Variants in ZNF419 observed in about 807,000 individuals in gnomAD.
The protein encoded by ZNF419 is zinc finger protein 419A.
ZNF419 carries 8 observed loss-of-function variants against 14.9 expected under a neutral mutation model. The observed-to-expected ratio is 0.54, with a 90% confidence interval of 0.32 to 0.97. The LOEUF is 0.97. ZNF419 is among the 50% of genes least tolerant of loss of function. ZNF419 has a pLI of 0.04. For missense variants in ZNF419, 595 were observed against 607.2 expected (o/e 0.98, Z 0.21); for synonymous variants, 211 against 205.3 (o/e 1.03, Z -0.24).
At chr19:57,492,436 C>T (rs747521379) in intron 4 of ZNF419, 1 of 773,090 alleles carries the variant, frequency 1.3e-6, no homozygotes, top group Non-Finnish European at 2.4e-6. Flanking sequence ...TCAGCAGTGG[C>T]TTTCACTGAA....
At position 57,493,104 on chromosome 19, in the gene ZNF419, G is replaced by A; in HGVS notation, c.547G>A (p.Gly183Arg). Residue 183 changes from glycine (G) to arginine (R), a missense_variant, in exon 5 of 5, where the codon GGA becomes AGA. Gly to Arg is a moderately radical substitution (Grantham distance 125). Coordinates refer to ENST00000221735, the MANE Select transcript of ZNF419 (RefSeq NM_024691.4). ...TCTCAAGCACCAGGTGACTCACACAGGAGAGAAGTCACATAGGAGCTCCAA... is the reference window on the plus strand; with the variant it reads ...TCTCAAGCACCAGGTGACTCACACAAGAGAGAAGTCACATAGGAGCTCCAA... ...GVLKHQVTHTGEKSHRSSKSR... is the reference protein window; with the variant it reads ...GVLKHQVTHTREKSHRSSKSR... The A allele has an allele frequency of 4.3e-6, 7 of 1,614,112 alleles. No individual in the cohort carries two copies. Among genetic ancestry groups the A allele is most frequent in the Non-Finnish European group, 5.9e-6 (7 of 1,179,986 alleles).
rs770032482 is a variant in ZNF419 at position 57,493,100 on chromosome 19, C to A, written c.543C>A (p.His181Gln). The A allele has an allele frequency of 6.2e-7, 1 of 1,614,112 alleles. No individual in the cohort carries two copies. Among genetic ancestry groups the A allele is most frequent in the Non-Finnish European group, 8.5e-7 (1 of 1,179,994 alleles). Reference sequence around the variant, plus strand: ...GTGTTCTCAAGCACCAGGTGACTCACACAGGAGAGAAGTCACATAGGAGCT... The same window carrying A: ...GTGTTCTCAAGCACCAGGTGACTCAAACAGGAGAGAAGTCACATAGGAGCT... Reference protein sequence around the residue: ...SSGVLKHQVTHTGEKSHRSSK... With the variant: ...SSGVLKHQVTQTGEKSHRSSK... The change falls in exon 5 of 5, where the codon CAC (histidine) becomes CAA (glutamine). Residue 181 changes from histidine to glutamine, a missense_variant. Physicochemically the swap from His to Gln is conservative, Grantham distance 24. Coordinates refer to ENST00000221735, the MANE Select transcript of ZNF419 (RefSeq NM_024691.4).
At chr19:57,488,785 C>T (rs2089416751) in intron 1 of ZNF419, 1 of 152,142 alleles carries the variant, frequency 6.6e-6, no homozygotes, top group South Asian at 2.1e-4. Flanking sequence ...AGGGTAAGTC[C>T]TGGGGCTCCT....
In ZNF419 at chr19:57,493,331, T is replaced by C. The variant is rs1457416730; in HGVS notation, c.774T>C (p.Pro258=). 6.2e-7 allele frequency: 1 copy of C among 1,614,206 alleles called. No individual in the cohort carries two copies. Among genetic ancestry groups the C allele is most frequent in the Non-Finnish European group, 8.5e-7 (1 of 1,180,046 alleles). Residue 258 remains proline (P), a synonymous_variant, in exon 5 of 5, where the codon CCT becomes CCC. Transcript: ENST00000221735. The part of the protein sequence containing the change: ...IHQIVHTGER[P]YGCSNCGKSF... ...AAATAGTTCACACTGGAGAAAGGCC[T>C]TACGGGTGTAGTAACTGTGGAAAAT...
In ZNF419 at chr19:57,494,365, CAG is replaced by C. The variant is rs2089581182; in HGVS notation, c.*277_*278del. The stretch of plus-strand genomic sequence containing the variant: ...TGAATCAATATGACCTCACTTAAAA[CAG>C]AAACTCTGAGGATGGCCTTTATGAG... On this transcript the variant is annotated 3_prime_UTR_variant, in exon 5 of 5. Coordinates refer to ENST00000221735, the MANE Select transcript of ZNF419 (RefSeq NM_024691.4). 2.6e-6 allele frequency: 1 copy of C among 387,136 alleles called. No homozygotes were observed. The highest frequency in any genetic ancestry group is 4.3e-5 in the East Asian group (1 of 23,088). The allele number at this position is 387,136 out of a possible 1,614,324, so 24.0% of individuals were successfully genotyped here.
At chr19:57,490,415 C>T (rs749868949) in intron 2 of ZNF419, 13 of 308,650 alleles carry the variant, frequency 4.2e-5, no homozygotes, top group Middle Eastern at 8.7e-4. Context: ...AGTGCAAAGG[C>T]GCGATCTCGG....
intron 4 of ZNF419, 195 bp from the exon 5 acceptor site, chr19:57,492,661 T>C (rs1429291994): frequency 1.2e-6 from 1 of 814,548 alleles, no homozygotes; most frequent in Non-Finnish European, 2.2e-6. Flanking sequence ...TTGGTGCTCA[T>C]GAGGCCTCCC....
At chr19:57,491,079 G>GT in intron 2 of ZNF419, 1 of 218,534 alleles carries the variant, frequency 4.6e-6, no homozygotes, top group South Asian at 8.1e-5. Context: ...GATGTAGAGG[G>GT]TAGTGGTTGT....
rs1179209445 is a variant in ZNF419, at chr19:57,493,665, C to G, written c.1108C>G (p.Pro370Ala). 2 of 1,613,976 alleles carry G rather than the reference C, an allele frequency of 1.2e-6. No individual in the cohort carries two copies. Among genetic ancestry groups the G allele is most frequent in the African/African-American group, 2.7e-5 (2 of 74,926 alleles). The change falls in exon 5 of 5, where the codon CCT becomes GCT. Residue 370 changes from proline (P) to alanine (A), a missense_variant. Transcript: ENST00000221735. ...TTGGCGTGTTCATACTGGAGAAAGG[C>G]CTTACAAGTGCAGCGACTGTGGGAA... ...KHWRVHTGER[P>A]YKCSDCGKFF...
rs1264611373 is a variant in ZNF419, at chr19:57,495,829, A to C, written c.*1739A>C. On this transcript the variant is annotated 3_prime_UTR_variant, in exon 5 of 5. Coordinates refer to ENST00000221735, the MANE Select transcript of ZNF419 (RefSeq NM_024691.4). Reference sequence around the variant, plus strand: ...TCTTTTTAAATATCCAACTTCTGAAATATTTGTAGGTTTAACTACAAATAA... The same window carrying C: ...TCTTTTTAAATATCCAACTTCTGAACTATTTGTAGGTTTAACTACAAATAA... 1 of 150,332 alleles carries C rather than the reference A, an allele frequency of 6.7e-6. No homozygotes were observed. The highest frequency in any genetic ancestry group is 2.4e-5 in the African/African-American group (1 of 40,864). The allele number at this position is 150,332 out of a possible 1,614,324, so 9.3% of individuals were successfully genotyped here.
Position 57,492,907 on chromosome 19 carries a change from T to A in ZNF419, c.350T>A (p.Val117Glu). The A allele has an allele frequency of 1.2e-6, 2 of 1,614,158 alleles. No homozygotes were observed. Among genetic ancestry groups the A allele is most frequent in the Non-Finnish European group, 8.5e-7 (1 of 1,180,004 alleles). ...GAGGCTCCTGAGCAGATTGCTTCTG[T>A]AGGACTGCTCAGTTCAAACATTCAG... The part of the protein sequence containing the change: ...AEEAPEQIAS[V>E]GLLSSNIQQH... The change falls in exon 5 of 5, where the codon GTA (valine) becomes GAA (glutamate). Residue 117 changes from valine to glutamate, a missense_variant. Val to Glu is a moderately radical substitution (Grantham distance 121). Coordinates refer to ENST00000221735, the MANE Select transcript of ZNF419 (RefSeq NM_024691.4).
chr19:57,492,670 C>T (rs751922718), intron 4 of ZNF419, 186 bp from the exon 5 acceptor site: 1 of 865,316 alleles, frequency 1.2e-6, no homozygotes, highest in South Asian at 1.3e-5. Flanking sequence ...ATGAGGCCTC[C>T]CCAAATCCTT....
rs778512590 is a variant in ZNF419, at chr19:57,493,925, G to A, written c.1368G>A (p.Lys456=). 5 of 1,613,886 alleles carry A rather than the reference G, an allele frequency of 3.1e-6. No individual in the cohort carries two copies. The African/African-American group carries it at 5.3e-5, about 17-fold the overall frequency. Residue 456 remains lysine (K), a synonymous_variant, in exon 5 of 5, where the codon AAG becomes AAA. Transcript: ENST00000221735. ...RKVHIGEKPF[K]CNECGRLFRE... is the part of the protein sequence containing the mutation. ...TTCACATTGGAGAAAAGCCTTTTAAGTGCAATGAATGTGGGAGATTGTTTA... is the reference window on the plus strand; with the variant it reads ...TTCACATTGGAGAAAAGCCTTTTAAATGCAATGAATGTGGGAGATTGTTTA...
intron 3 of ZNF419, 43 bp downstream of exon 3, chr19:57,491,640 G>C: frequency 6.2e-7 from 1 of 1,613,996 alleles, no homozygotes. Flanking sequence ...AGCTGGGCTC[G>C]GCTTTTCCTC....
chr19:57,488,103 A>G (rs1600129234), intron 1 of ZNF419, 120 bp downstream of exon 1: 4 of 1,482,426 alleles, frequency 2.7e-6, no homozygotes, highest in South Asian at 1.2e-5. Flanking sequence ...TCTGACACGC[A>G]GTGTGATGGG....
In ZNF419 at chr19:57,495,444, T is replaced by C. The variant is rs574511990; in HGVS notation, c.*1354T>C. ...TATCTTTGCCTATAAATAAAAGCCTTGACTGAGTGCGGTGGCTCACGCCTG... is the reference window on the plus strand; with the variant it reads ...TATCTTTGCCTATAAATAAAAGCCTCGACTGAGTGCGGTGGCTCACGCCTG... On this transcript the variant is annotated 3_prime_UTR_variant, in exon 5 of 5. Transcript: ENST00000221735. 3.3e-5 allele frequency: 5 copies of C among 152,322 alleles called. No homozygotes were observed. The highest frequency in any genetic ancestry group is 1.2e-4 in the African/African-American group (5 of 41,562). 9.4% of individuals were successfully genotyped at this position (152,322 alleles called of 1,614,324 possible). A position where few individuals can be genotyped will look rare whatever the true frequency, so the allele number is the denominator to read the frequency against.
chr19:57,488,058 C>T, intron 1 of ZNF419, 75 bp downstream of exon 1: 1 of 1,599,026 alleles, frequency 6.3e-7, no homozygotes, highest in Non-Finnish European at 8.5e-7. Flanking sequence ...TCCCCGGGTG[C>T]AGAACTGTGG....
At position 57,492,144 on chromosome 19, in the gene ZNF419, C is replaced by G; in HGVS notation, c.231C>G (p.Thr77=). 1 of 1,613,584 alleles carries G rather than the reference C, an allele frequency of 6.2e-7. No individual in the cohort carries two copies. The highest frequency in any genetic ancestry group is 8.5e-7 in the Non-Finnish European group (1 of 1,179,916). ...CATCTTCCAAGACCCATGAAATAAC[C>G]CAGCTGGAGTCATGGGAGGAGCCCT... ...GLASSKTHEI[T]QLESWEEPFM... The change falls in exon 4 of 5, where the codon ACC becomes ACG. Residue 77 remains threonine, a synonymous_variant. Transcript: ENST00000221735.
rs570339926 is a variant in ZNF419, at chr19:57,492,257, T to A, written c.298+46T>A. 4 of 1,593,204 alleles carry A rather than the reference T, an allele frequency of 2.5e-6. No individual in the cohort carries two copies. The African/African-American group carries it at 4.0e-5, about 16-fold the overall frequency. On this transcript the variant is annotated intron_variant, in intron 4 of 4. Transcript: ENST00000221735. ...AGGGAGGTGTGAACTCAGGGATGGA[T>A]TCATATCATACCAGTAGGCCCAGAT...
Sources: gnomAD v4.1 joint callset for allele counts on GRCh38, gnomAD v4.1.1 for gene constraint, MANE v1.5 for transcripts, NCBI Gene and HGNC (gene_info 2026-07-23, HGNC 2026-07-21) for gene names.